Variants in MATN2 observed in about 807,000 individuals in gnomAD.
MATN2 encodes the protein matrilin 2.
MATN2 carries 69 observed loss-of-function variants against 103.2 expected under a neutral mutation model. The ratio of observed to expected loss-of-function variants is 0.67; its 90% CI spans 0.55 to 0.82. MATN2 has a LOEUF of 0.82. MATN2 is among the 40% of genes least tolerant of loss of function. MATN2 has a pLI of 0.00. For synonymous variants in MATN2, 429 were observed against 450.2 expected, an observed-to-expected ratio of 0.95 and a Z score of 0.60; for missense variants, 1,023 against 1,211.5, an observed-to-expected ratio of 0.84 and a Z score of 2.31.
In MATN2 at chr8:98,007,251, A is replaced by G. The variant is rs771988125; in HGVS notation, c.1450+24A>G. ...CCGTGAGTCCCTCCGCGCTCCTCTC[A>G]TAGGGGAAGGTTTGCACCAGGAGTG... is the stretch of plus-strand genomic sequence containing the variant. On this transcript the variant is annotated intron_variant, in intron 9 of 18. Coordinates refer to ENST00000254898, the MANE Select transcript of MATN2 (RefSeq NM_002380.5). The surrounding 1 kb of genome is among the most constrained non-coding windows in gnomAD (Gnocchi z 4.2). The G allele has an allele frequency of 6.2e-7, 1 of 1,612,682 alleles. No individual in the cohort carries two copies.
rs1206944523 is a variant in MATN2, at chr8:97,930,991, A to G, written c.181A>G (p.Ile61Val). 1.2e-6 allele frequency: 2 copies of G among 1,613,456 alleles called. No homozygotes were observed. Among genetic ancestry groups the G allele is most frequent in the Non-Finnish European group, 1.7e-6 (2 of 1,179,534 alleles). ...GAACAAGCGGGCAGACCTGGTTTTC[A>G]TCATTGACAGCTCTCGCAGTGTCAA... ...CENKRADLVF[I>V]IDSSRSVNTH... is the part of the protein sequence containing the mutation. Residue 61 changes from isoleucine (I) to valine (V), a missense_variant, in exon 3 of 19, where the codon ATC becomes GTC. By Grantham distance (29) the Ile-to-Val change is conservative. Coordinates refer to ENST00000254898, the MANE Select transcript of MATN2 (RefSeq NM_002380.5).
chr8:97,942,609 A>C (rs1810606310), intron 4 of MATN2, among the ~76,000 whole-genome samples: 1 of 152,206 alleles, frequency 6.6e-6, no homozygotes, highest in African/African-American at 2.4e-5. Context: ...CCAGGCTACC[A>C]AAAACAAGTC....
intron 2 of MATN2, among the ~76,000 whole-genome samples, chr8:97,924,193 C>A (rs1044285361): frequency 1.3e-5 from 2 of 152,178 alleles, no homozygotes; most frequent in Non-Finnish European, 2.9e-5. Context: ...GCCTGCCCCC[C>A]ATATCTGTGT....
chr8:97,951,244 G>A (rs966136749), intron 4 of MATN2, among the ~76,000 whole-genome samples: 3 of 152,210 alleles, frequency 2.0e-5, no homozygotes, highest in African/African-American at 4.8e-5. Context: ...CTGTGCCAGG[G>A]CACAGGATTT....
intron 7 of MATN2, among the ~76,000 whole-genome samples, chr8:98,002,469 G>A (rs189887778): frequency 3.9e-5 from 6 of 152,340 alleles, no homozygotes; most frequent in Non-Finnish European, 8.8e-5. Context: ...CAATGTCACT[G>A]TCAGATGTCA....
intron 4 of MATN2, among the ~76,000 whole-genome samples, chr8:97,942,496 C>T (rs186790656): frequency 1.6e-3 from 246 of 152,284 alleles, no homozygotes; most frequent in African/African-American, 5.5e-3. Flanking sequence ...TGAGCCAGCA[C>T]GAGGTAGTCT....
intron 3 of MATN2, among the ~76,000 whole-genome samples, chr8:97,933,733 C>T (rs190720488): frequency 3.9e-5 from 6 of 152,226 alleles, no homozygotes; most frequent in African/African-American, 1.4e-4. Flanking sequence ...AAATGAATCC[C>T]CTGTGAGTCC....
intron 2 of MATN2, among the ~76,000 whole-genome samples, chr8:97,897,522 C>T (rs1818853511): frequency 6.6e-6 from 1 of 152,202 alleles, no homozygotes; most frequent in South Asian, 2.1e-4. Context: ...AACTAAGTAG[C>T]TGGCATGTGT....
chr8:97,901,457 T>G (rs1313871848), intron 2 of MATN2, among the ~76,000 whole-genome samples: 2 of 152,204 alleles, frequency 1.3e-5, no homozygotes, highest in Middle Eastern at 3.2e-3. Context: ...TTCGCCATGT[T>G]GGCCAGGCTG....
chr8:98,016,877 A>G (rs1044286837), intron 11 of MATN2, among the ~76,000 whole-genome samples: 2 of 152,246 alleles, frequency 1.3e-5, no homozygotes, highest in African/African-American at 4.8e-5. Context: ...ATAATCATGT[A>G]TCAGTATGGG....
chr8:97,963,004 G>A (rs1811363729), intron 5 of MATN2, among the ~76,000 whole-genome samples: 1 of 152,152 alleles, frequency 6.6e-6, no homozygotes, highest in Admixed American at 6.5e-5. Flanking sequence ...GTCTGGTAGT[G>A]TGCCCCTGTA....
intron 1 of MATN2, among the ~76,000 whole-genome samples, chr8:97,885,843 G>C (rs750110995): frequency 6.6e-6 from 1 of 152,166 alleles, no homozygotes; most frequent in Non-Finnish European, 1.5e-5. Context: ...GAGGAGAGTA[G>C]TTATTTGTAA....
At chr8:97,997,055 G>A (rs1325342625) in intron 7 of MATN2, among the ~76,000 whole-genome samples, 1 of 152,238 alleles carries the variant, frequency 6.6e-6, no homozygotes, top group East Asian at 1.9e-4. Context: ...CTCATGGAGA[G>A]TGCTATCATC....
At chr8:97,908,126 G>A (rs1819245232) in intron 2 of MATN2, among the ~76,000 whole-genome samples, 1 of 152,154 alleles carries the variant, frequency 6.6e-6, no homozygotes, top group Non-Finnish European at 1.5e-5. Context: ...GGATTGCTAT[G>A]GCTAAGTTCA....
chr8:98,030,499 TGAG>T lies in MATN2; in HGVS notation c.2400_2402del (p.Glu801del). ...ATGCTGTTGGGGTAGGAAAAGCCAT[TGAG>T]GAGGAACTACAAGAGATTGCCTCTG... On this transcript the variant is annotated inframe_deletion, in exon 15 of 19. Coordinates refer to ENST00000254898, the MANE Select transcript of MATN2 (RefSeq NM_002380.5). 3.1e-6 allele frequency: 5 copies of T among 1,613,814 alleles called. No homozygotes were observed. Among genetic ancestry groups the T allele is most frequent in the Non-Finnish European group, 4.2e-6 (5 of 1,179,822 alleles).
chr8:97,940,763 G>A (rs1468799193), intron 3 of MATN2, among the ~76,000 whole-genome samples: 1 of 152,098 alleles, frequency 6.6e-6, no homozygotes, highest in Admixed American at 6.5e-5. Flanking sequence ...AAGTTACATT[G>A]AGTAAAGTCA....
intron 2 of MATN2, among the ~76,000 whole-genome samples, chr8:97,901,393 C>T (rs781677281): frequency 3.9e-5 from 6 of 152,044 alleles, no homozygotes; most frequent in Non-Finnish European, 5.9e-5. Context: ...GCTGGGATTA[C>T]AGGCACGCAC....
At chr8:97,972,155 C>T (rs1189312917) in intron 5 of MATN2, among the ~76,000 whole-genome samples, 1 of 150,850 alleles carries the variant, frequency 6.6e-6, no homozygotes, top group Admixed American at 6.6e-5. Context: ...AGCTAATGGA[C>T]CAACACCGTC....
intron 4 of MATN2, among the ~76,000 whole-genome samples, chr8:97,958,421 T>C (rs1165079655): frequency 6.6e-6 from 1 of 152,168 alleles, no homozygotes; most frequent in African/African-American, 2.4e-5. Context: ...TTAGGGAGCT[T>C]AGAGTCTAGT....
Sources: gnomAD v4.1 joint callset for allele counts (sites outside exome capture counted in the v4.1 genomes callset) on GRCh38, gnomAD v4.1.1 for gene constraint, Gnocchi (gnomAD v3.1) non-coding constraint, MANE v1.5 for transcripts, NCBI Gene and HGNC (gene_info 2026-07-23, HGNC 2026-07-21) for gene names.